Variants in ZBTB9 observed in about 807,000 individuals in gnomAD.
ZBTB9 encodes the protein zinc finger and BTB domain containing 9.
In ZBTB9, 17 loss-of-function variants were observed where a neutral mutation model predicts 26.3. The ratio of observed to expected loss-of-function variants is 0.65; its 90% confidence interval spans 0.44 to 0.97. The LOEUF is 0.97. ZBTB9 is among the 50% of genes least tolerant of loss of function. ZBTB9 has a pLI of 0.00. For synonymous variants in ZBTB9, 226 were observed against 234.3 expected, an observed-to-expected ratio of 0.96 and a Z score of 0.32; for missense variants, 510 against 594.2, an observed-to-expected ratio of 0.86 and a Z score of 1.47.
In ZBTB9 at chr6:33,455,270, G is replaced by T. The variant is rs764206586; in HGVS notation, c.170G>T (p.Arg57Leu). 6.2e-7 allele frequency: 1 copy of T among 1,614,158 alleles called. No homozygotes were observed. Among genetic ancestry groups the T allele is most frequent in the East Asian group, 2.2e-5 (1 of 44,880 alleles). The change falls in exon 2 of 2, where the codon CGG becomes CTG. Residue 57 changes from arginine to leucine, a missense_variant. This residue lies in a region of ZBTB9 where 439 missense variants were observed against 460.4 expected (regional missense o/e 0.95). Coordinates refer to ENST00000395064, the MANE Select transcript of ZBTB9 (RefSeq NM_152735.4). ...FCDVSLLVQG[R>L]ELRAHKAVLA... Reference sequence around the variant, plus strand: ...GATGTGTCCCTCCTGGTGCAGGGCCGGGAACTTAGGGCTCATAAAGCAGTG... The same window carrying T: ...GATGTGTCCCTCCTGGTGCAGGGCCTGGAACTTAGGGCTCATAAAGCAGTG...
chr6:33,455,010 T>C lies in ZBTB9; in HGVS notation c.-71-20T>C. 6.6e-7 allele frequency: 1 copy of C among 1,506,810 alleles called. No individual in the cohort carries two copies. The highest frequency in any genetic ancestry group is 8.9e-7 in the Non-Finnish European group (1 of 1,127,446). 93.3% of individuals were successfully genotyped at this position (1,506,810 alleles called of 1,614,324 possible). ...CCCTTTATCCAGGGCTTCTGTGACCTCCATCTTTTTCCTCTGCAGCCTTCA... is the reference window on the plus strand; with the variant it reads ...CCCTTTATCCAGGGCTTCTGTGACCCCCATCTTTTTCCTCTGCAGCCTTCA... On this transcript the variant is annotated intron_variant, in intron 1 of 1. Coordinates refer to ENST00000395064, the MANE Select transcript of ZBTB9 (RefSeq NM_152735.4).
chr6:33,456,105 A>G lies in ZBTB9; in HGVS notation c.1005A>G (p.Thr335=), dbSNP rs771402340. The G allele has an allele frequency of 8.1e-6, 13 of 1,613,326 alleles. 1 individual carries two copies. Among genetic ancestry groups the G allele is most frequent in the Non-Finnish European group, 1.0e-5 (12 of 1,179,774 alleles). The change falls in exon 2 of 2, where the codon ACA becomes ACG. Residue 335 remains threonine, a synonymous_variant. Transcript: ENST00000395064. The surrounding 1 kb of genome is among the most constrained non-coding windows in gnomAD (Gnocchi z 5.1). ...TGTTGCCTTCAGGGCCAGGGCCAAC[A>G]TCTGGGGGAGGGGGTCCATCCTGGA... is the stretch of plus-strand genomic sequence containing the variant. ...GFLLPSGPGP[T]SGGGGPSWKP... is the part of the protein sequence containing the mutation.
upstream of ZBTB9, chr6:33,453,503 G>A (rs1761399672): frequency 2.9e-5 from 2 of 68,048 alleles, no homozygotes; most frequent in Admixed American, 3.9e-4. Context: ...ACCACCTCAA[G>A]GGTAGGGAGT....
rs758906568 is a variant in ZBTB9 at position 33,455,919 on chromosome 6, T to C, written c.819T>C (p.Pro273=). Residue 273 remains proline, a synonymous_variant, in exon 2 of 2, where the codon CCT becomes CCC. Coordinates refer to ENST00000395064, the MANE Select transcript of ZBTB9 (RefSeq NM_152735.4). ...PEGESAPLEL[P]APPALPPKIF... is the part of the protein sequence containing the mutation. ...GTGAGAGTGCACCACTTGAGCTTCC[T>C]GCCCCTCCTGCACTGCCCCCCAAAA... is the stretch of plus-strand genomic sequence containing the variant. The C allele has an allele frequency of 6.2e-7, 1 of 1,612,678 alleles. No homozygotes were observed. Among genetic ancestry groups the C allele is most frequent in the Admixed American group, 1.7e-5 (1 of 59,886 alleles).
upstream of ZBTB9, chr6:33,453,240 C>T (rs1009629184): frequency 6.5e-6 from 1 of 152,778 alleles, no homozygotes; most frequent in African/African-American, 2.4e-5. Flanking sequence ...CCTACACATA[C>T]ACCCAGCCGG....
upstream of ZBTB9, chr6:33,453,800 T>C (rs2247385): frequency 0.43 from 64,862 of 151,718 alleles, 14,286 homozygotes; most frequent in East Asian, 0.62. Flanking sequence ...CCCCACCTGA[T>C]GCCACACTCT....
Position 33,456,807 on chromosome 6 carries a change from G to A in ZBTB9, c.*285G>A, listed in dbSNP as rs893181009. 5 of 428,070 alleles carry A rather than the reference G, an allele frequency of 1.2e-5. No individual in the cohort carries two copies. The highest frequency in any genetic ancestry group is 2.1e-5 in the Non-Finnish European group (5 of 235,022). 26.5% of individuals were successfully genotyped at this position (428,070 alleles called of 1,614,324 possible). On this transcript the variant is annotated 3_prime_UTR_variant, in exon 2 of 2. Coordinates refer to ENST00000395064, the MANE Select transcript of ZBTB9 (RefSeq NM_152735.4). This position sits in a 1 kb window ranked among gnomAD's most constrained non-coding sequence, Gnocchi z 5.1. ...CTTGCCCATGGTGGACATTTTTGTG[G>A]TGGTGATGTCCATTAAGGAAACCAG...
chr6:33,457,441 TAGAC>T lies in ZBTB9; in HGVS notation c.*922_*925del, dbSNP rs369264643. The T allele has an allele frequency of 1.6e-3, 263 of 167,206 alleles. 1 individual carries two copies. Among genetic ancestry groups the T allele is most frequent in the Non-Finnish European group, 3.0e-3 (207 of 68,122 alleles). 10.4% of individuals were successfully genotyped at this position (167,206 alleles called of 1,614,324 possible). On this transcript the variant is annotated 3_prime_UTR_variant, in exon 2 of 2. Coordinates refer to ENST00000395064, the MANE Select transcript of ZBTB9 (RefSeq NM_152735.4). The stretch of plus-strand genomic sequence containing the variant: ...CCTTTCCCATCCCACCCACATATGA[TAGAC>T]AGCCCCTCTGTTGAGATATGGAGGG...
rs200956170 is a variant in ZBTB9, at chr6:33,455,924, C to G, written c.824C>G (p.Pro275Arg). The G allele has an allele frequency of 2.2e-5, 35 of 1,612,666 alleles. No homozygotes were observed. The East Asian group carries it at 7.6e-4, about 35-fold the overall frequency. Residue 275 changes from proline (P) to arginine (R), a missense_variant, in exon 2 of 2, where the codon CCT becomes CGT. By Grantham distance (103) the Pro-to-Arg change is moderately radical. Transcript: ENST00000395064. ...AGTGCACCACTTGAGCTTCCTGCCC[C>G]TCCTGCACTGCCCCCCAAAATCTTC... ...GESAPLELPA[P>R]PALPPKIFYI...
chr6:33,453,518 C>T (rs1355343709), upstream of ZBTB9: 1 of 139,064 alleles, frequency 7.2e-6, no homozygotes, highest in Admixed American at 7.5e-5. Context: ...GGGAGTTGCT[C>T]TTCCTACCTG....
rs1406257781 is a variant in ZBTB9 at position 33,454,754 on chromosome 6, G to A, written c.-93G>A. On this transcript the variant is annotated 5_prime_UTR_variant, in exon 1 of 2. Transcript: ENST00000395064. The stretch of plus-strand genomic sequence containing the variant: ...CACTGTGAGGCGGAACGGAGCGGCG[G>A]GGCAGGAGCTGTTCTGGGCAGGTGA... The A allele has an allele frequency of 5.8e-6, 2 of 343,858 alleles. No homozygotes were observed. Among genetic ancestry groups the A allele is most frequent in the Non-Finnish European group, 1.1e-5 (2 of 188,386 alleles). 21.3% of individuals were successfully genotyped at this position (343,858 alleles called of 1,614,324 possible). A position where few individuals can be genotyped will look rare whatever the true frequency, so the allele number is the denominator to read the frequency against.
At chr6:33,454,820 C>T (rs574578042) in intron 1 of ZBTB9, 45 bp downstream of exon 1, 4 of 485,922 alleles carry the variant, frequency 8.2e-6, no homozygotes, top group Non-Finnish European at 1.4e-5. Context: ...TTATCTTCCA[C>T]AGGGGCTGGA....
Position 33,456,751 on chromosome 6 carries a change from GT to G in ZBTB9, c.*232del. On this transcript the variant is annotated 3_prime_UTR_variant, in exon 2 of 2. Transcript: ENST00000395064. This position sits in a 1 kb window ranked among gnomAD's most constrained non-coding sequence, Gnocchi z 5.1. ...GGCTAGCCAACCCTGCAGGAAAGTG[GT>G]TTATAGGCCATTCATACTTAAGTTG... The G allele has an allele frequency of 1.5e-6, 1 of 663,950 alleles. No individual in the cohort carries two copies. Among genetic ancestry groups the G allele is most frequent in the Non-Finnish European group, 2.4e-6 (1 of 420,630 alleles). The allele number at this position is 663,950 out of a possible 1,614,324, so 41.1% of individuals were successfully genotyped here.
Position 33,455,252 on chromosome 6 carries a change from CCCT to C in ZBTB9, c.156_158del (p.Leu53del), listed in dbSNP as rs1454221601. 1 of 1,614,214 alleles carries C rather than the reference CCCT, an allele frequency of 6.2e-7. No homozygotes were observed. Among genetic ancestry groups the C allele is most frequent in the Admixed American group, 1.7e-5 (1 of 60,026 alleles). On this transcript the variant is annotated inframe_deletion, in exon 2 of 2. Transcript: ENST00000395064. ...CTAGAGGGAAAGTTCTGTGATGTGT[CCCT>C]CCTGGTGCAGGGCCGGGAACTTAGG...
In ZBTB9 at chr6:33,456,566, C is replaced by T. The variant is rs998097481; in HGVS notation, c.*44C>T. 52 of 1,539,908 alleles carry T rather than the reference C, an allele frequency of 3.4e-5. No individual in the cohort carries two copies. The highest frequency in any genetic ancestry group is 4.3e-5 in the Non-Finnish European group (49 of 1,145,598). On this transcript the variant is annotated 3_prime_UTR_variant, in exon 2 of 2. Coordinates refer to ENST00000395064, the MANE Select transcript of ZBTB9 (RefSeq NM_152735.4). This position sits in a 1 kb window ranked among gnomAD's most constrained non-coding sequence, Gnocchi z 5.1. ...AGCTTCTAGAACAAGATAACCACTG[C>T]TGCTGATGGATACTTTTCCCTCACT...
At position 33,455,433 on chromosome 6, in the gene ZBTB9, A is replaced by G; in HGVS notation, c.333A>G (p.Pro111=). The G allele has an allele frequency of 6.2e-7, 1 of 1,614,034 alleles. No homozygotes were observed. Among genetic ancestry groups the G allele is most frequent in the Non-Finnish European group, 8.5e-7 (1 of 1,179,938 alleles). The change falls in exon 2 of 2, where the codon CCA becomes CCG. Residue 111 remains proline (P), a synonymous_variant. Coordinates refer to ENST00000395064, the MANE Select transcript of ZBTB9 (RefSeq NM_152735.4). ...QLIYSGRLRL[P]LDALPAHLLV... ...TTTATTCAGGGCGTCTCCGCCTGCC[A>G]CTGGATGCTCTTCCTGCTCATCTCC...
Position 33,456,796 on chromosome 6 carries a change from A to G in ZBTB9, c.*274A>G, listed in dbSNP as rs1313412671. ...TAAGTTGATCACTTGCCCATGGTGG[A>G]CATTTTTGTGGTGGTGATGTCCATT... On this transcript the variant is annotated 3_prime_UTR_variant, in exon 2 of 2. Coordinates refer to ENST00000395064, the MANE Select transcript of ZBTB9 (RefSeq NM_152735.4). The surrounding 1 kb of genome is among the most constrained non-coding windows in gnomAD (Gnocchi z 5.1). 2.2e-6 allele frequency: 1 copy of G among 447,186 alleles called. No homozygotes were observed. The highest frequency in any genetic ancestry group is 4.0e-6 in the Non-Finnish European group (1 of 249,688). The allele number at this position is 447,186 out of a possible 1,614,324, so 27.7% of individuals were successfully genotyped here.
intron 1 of ZBTB9, 79 bp downstream of exon 1, chr6:33,454,854 A>AGTG (rs1216280165): frequency 1.8e-6 from 1 of 543,338 alleles, no homozygotes; most frequent in Non-Finnish European, 3.2e-6. Context: ...GTTGGTGTTT[A>AGTG]GTGGTGGTGG....
At chr6:33,454,106 A>C (rs1761421538), upstream of ZBTB9, 1 of 152,190 alleles carries the variant, frequency 6.6e-6, no homozygotes, top group South Asian at 2.1e-4. Context: ...TCCCAGGTCC[A>C]CTACTATTAG....
Sources: gnomAD v4.1 joint callset for allele counts on GRCh38, gnomAD v4.1.1 for gene constraint, gnomAD v4.1.1 regional missense constraint, Gnocchi (gnomAD v3.1) non-coding constraint, MANE v1.5 for transcripts, NCBI Gene and HGNC (gene_info 2026-07-23, HGNC 2026-07-21) for gene names.